Variants in RRAS2 observed in about 807,000 individuals in gnomAD.
The protein encoded by RRAS2 is ras-related protein R-Ras2.
RRAS2 carries 7 observed loss-of-function variants against 27.6 expected under a neutral mutation model. The ratio of observed to expected loss-of-function variants is 0.25; its 90% CI spans 0.14 to 0.48. The LOEUF is 0.48. RRAS2 is among the 20% of genes least tolerant of loss of function. The pLI is 0.99. For missense variants in RRAS2, 178 were observed against 256.2 expected (o/e 0.69, Z 2.08); for synonymous variants, 86 against 90.9 (o/e 0.95, Z 0.31).
intron 1 of RRAS2, among the ~76,000 whole-genome samples, chr11:14,336,718 T>C (rs782138668): frequency 6.6e-6 from 1 of 151,952 alleles, no homozygotes; most frequent in Non-Finnish European, 1.5e-5. Context: ...AAGAAAGCAA[T>C]GAACAGAGCC....
chr11:14,340,706 A>ATT (rs1466741982), intron 1 of RRAS2, among the ~76,000 whole-genome samples: 1 of 152,196 alleles, frequency 6.6e-6, no homozygotes, highest in Non-Finnish European at 1.5e-5. Flanking sequence ...AGGATCCCCA[A>ATT]TTTACACCAT....
chr11:14,306,812 C>T (rs553590234), intron 1 of RRAS2, among the ~76,000 whole-genome samples: 1 of 151,890 alleles, frequency 6.6e-6, no homozygotes, highest in East Asian at 1.9e-4. Flanking sequence ...TTCACTTGTC[C>T]CAGTATGTGA....
intron 1 of RRAS2, among the ~76,000 whole-genome samples, chr11:14,354,995 A>C (rs1263859614): frequency 6.6e-6 from 1 of 151,866 alleles, no homozygotes; most frequent in African/African-American, 2.4e-5. Context: ...TTATTTGCTT[A>C]CTCTGTAGAT....
rs782306600 is a variant in RRAS2 at position 14,344,983 on chromosome 11, C to CTTTTTT, written c.108+13779_108+13780insAAAAAA. On this transcript the variant is annotated intron_variant, in intron 1 of 5. Coordinates refer to ENST00000256196, the MANE Select transcript of RRAS2 (RefSeq NM_012250.6). ...TTTATTTCCTGTGCCCTACTCAAGACTTTATTTTTTTTTTTTTTTTTTTTG... is the reference window on the plus strand; with the variant it reads ...TTTATTTCCTGTGCCCTACTCAAGACTTTTTTTTTATTTTTTTTTTTTTTTTTTTTG... Among the ~76,000 whole-genome samples, 31 of 78,994 alleles carry CTTTTTT rather than the reference C, an allele frequency of 3.9e-4. 6 individuals carry two copies. Among genetic ancestry groups the CTTTTTT allele is most frequent in the Non-Finnish European group, 4.3e-4 (18 of 41,402 alleles). The allele number at this position is 78,994 out of a possible 152,430, so 51.8% of individuals were successfully genotyped here. A position where few individuals can be genotyped will look rare whatever the true frequency, so the allele number is the denominator to read the frequency against.
upstream of RRAS2, among the ~76,000 whole-genome samples, chr11:14,361,712 G>C (rs1849193328): frequency 6.6e-6 from 1 of 152,170 alleles, no homozygotes; most frequent in Non-Finnish European, 1.5e-5. Flanking sequence ...TAAATGTAGA[G>C]TTACCAACAA....
intron 1 of RRAS2, among the ~76,000 whole-genome samples, chr11:14,332,460 C>G (rs1554952044): frequency 6.6e-6 from 1 of 152,066 alleles, no homozygotes; most frequent in South Asian, 2.1e-4. Flanking sequence ...CATGATGGCA[C>G]CACTGCACTC....
At chr11:14,289,744 A>G (rs1554945530) in intron 4 of RRAS2, among the ~76,000 whole-genome samples, 1 of 152,226 alleles carries the variant, frequency 6.6e-6, no homozygotes, top group Non-Finnish European at 1.5e-5. Flanking sequence ...CCCAGTCCAC[A>G]GATACAGAGG....
At chr11:14,310,715 T>C (rs1554948754) in intron 1 of RRAS2, among the ~76,000 whole-genome samples, 1 of 152,212 alleles carries the variant, frequency 6.6e-6, no homozygotes, top group South Asian at 2.1e-4. Context: ...AAGAGGATGC[T>C]AATAATAATT....
intron 1 of RRAS2, among the ~76,000 whole-genome samples, chr11:14,304,196 T>A (rs1554947789): frequency 6.6e-6 from 1 of 152,216 alleles, no homozygotes; most frequent in African/African-American, 2.4e-5. Context: ...GGGATACATG[T>A]CAAATTCTCA....
At chr11:14,285,212 T>C (rs1220387571) in intron 4 of RRAS2, among the ~76,000 whole-genome samples, 1 of 152,186 alleles carries the variant, frequency 6.6e-6, no homozygotes, top group Non-Finnish European at 1.5e-5. Flanking sequence ...TTCATGACAG[T>C]CTAATTCAAA....
At chr11:14,326,276 C>CT (rs1412279815) in intron 1 of RRAS2, among the ~76,000 whole-genome samples, 1 of 152,156 alleles carries the variant, frequency 6.6e-6, no homozygotes, top group Non-Finnish European at 1.5e-5. Flanking sequence ...AGTAACTAGA[C>CT]TGTTATATAG....
At chr11:14,348,963 CTTTT>C (rs1235886051) in intron 1 of RRAS2, among the ~76,000 whole-genome samples, 2 of 151,966 alleles carry the variant, frequency 1.3e-5, no homozygotes, top group Admixed American at 6.6e-5. Flanking sequence ...CTACATACTT[CTTTT>C]TTTGTTTCTT....
At chr11:14,363,970 T>G (rs1849221706), upstream of RRAS2, among the ~76,000 whole-genome samples, 1 of 151,960 alleles carries the variant, frequency 6.6e-6, no homozygotes, top group East Asian at 1.9e-4. Context: ...CTCGGGAGGC[T>G]AAGGCAGTAG....
upstream of RRAS2, among the ~76,000 whole-genome samples, chr11:14,364,070 A>G (rs782746066): frequency 1.2e-4 from 18 of 152,186 alleles, no homozygotes; most frequent in Non-Finnish European, 2.4e-4. Context: ...AACTCTGTCT[A>G]AAAATAAAAT....
chr11:14,306,108 G>A (rs1441856267), intron 1 of RRAS2, among the ~76,000 whole-genome samples: 4 of 151,308 alleles, frequency 2.6e-5, no homozygotes, highest in African/African-American at 9.7e-5. Flanking sequence ...CCCTACGGAT[G>A]TAAAATAGTC....
chr11:14,342,026 A>G (rs1848718302), intron 1 of RRAS2: 3 of 716,030 alleles, frequency 4.2e-6, no homozygotes, highest in South Asian at 3.2e-5. Flanking sequence ...CTTCAGCTCT[A>G]TACTAGCTTT....
upstream of RRAS2, among the ~76,000 whole-genome samples, chr11:14,363,642 G>A (rs1849217582): frequency 6.6e-6 from 1 of 151,786 alleles, no homozygotes; most frequent in African/African-American, 2.4e-5. Flanking sequence ...ATGGTGGTGT[G>A]TGCCTGTAAT....
intron 1 of RRAS2, among the ~76,000 whole-genome samples, chr11:14,352,724 T>C (rs1484719536): frequency 1.0e-4 from 15 of 149,962 alleles, no homozygotes; most frequent in African/African-American, 3.7e-4. Flanking sequence ...CCAACTTTAA[T>C]TTGAAAAAGA....
At position 14,294,865 on chromosome 11, in the gene RRAS2, A is replaced by G. The variant is rs782284954; in HGVS notation, c.197-3T>C. The G allele has an allele frequency of 3.1e-5, 50 of 1,612,114 alleles. No homozygotes were observed. Among genetic ancestry groups the G allele is most frequent in the Non-Finnish European group, 3.7e-5 (44 of 1,178,608 alleles). ...TTCTTGTCCTGCTGTATCCAAAACT[A>G]AAGAAAAAACAACAAATGTAATTAT... is the stretch of plus-strand genomic sequence containing the variant. On this transcript the variant is annotated splice_polypyrimidine_tract_variant and splice_region_variant and intron_variant, in intron 2 of 5. Coordinates refer to ENST00000256196, the MANE Select transcript of RRAS2 (RefSeq NM_012250.6).
Sources: gnomAD v4.1 joint callset for allele counts (sites outside exome capture counted in the v4.1 genomes callset) on GRCh38, gnomAD v4.1.1 for gene constraint, MANE v1.5 for transcripts, NCBI Gene and HGNC (gene_info 2026-07-23, HGNC 2026-07-21) for gene names.